The following CAND2 variants were observed in gnomAD, a reference collection of about 807,000 sequenced individuals.
CAND2 encodes cullin-associated NEDD8-dissociated protein 2.
CAND2 carries 62 observed loss-of-function variants against 98.9 expected under a neutral mutation model. The ratio of observed to expected loss-of-function variants is 0.63; its 90% CI spans 0.51 to 0.77. CAND2 has a LOEUF of 0.77. Among genes scored for constraint, CAND2 ranks in the 30% least tolerant of loss-of-function variants. The pLI is 0.00. For synonymous variants in CAND2, 770 were observed against 731.9 expected, an observed-to-expected ratio of 1.05 and a Z score of -0.84; for missense variants, 1,501 against 1,655.2, an observed-to-expected ratio of 0.91 and a Z score of 1.62.
intron 1 of CAND2, among the ~76,000 whole-genome samples, chr3:12,803,091 G>A (rs544688286): frequency 2.0e-5 from 3 of 148,502 alleles, no homozygotes; most frequent in Admixed American, 6.9e-5. Flanking sequence ...CCGGGTTCAC[G>A]CCATTCTCCT....
chr3:12,811,847 G>A (rs1004696882), intron 5 of CAND2, among the ~76,000 whole-genome samples: 1 of 152,034 alleles, frequency 6.6e-6, no homozygotes, highest in Non-Finnish European at 1.5e-5. Context: ...CTCCCAAAGT[G>A]CTGGGATTAC....
At chr3:12,820,271 G>T in intron 11 of CAND2, 90 bp downstream of exon 11, 1 of 950,378 alleles carries the variant, frequency 1.1e-6, no homozygotes, top group South Asian at 1.6e-5. Context: ...AATAGCCAAG[G>T]GCAATGGGAG....
chr3:12,833,346 G>A (rs958221035), intron 14 of CAND2, among the ~76,000 whole-genome samples: 7 of 152,146 alleles, frequency 4.6e-5, no homozygotes, highest in Admixed American at 2.6e-4. Context: ...GAAGACCATC[G>A]CAGTGATCCA....
At chr3:12,813,569 C>T (rs1394047411) in intron 7 of CAND2, among the ~76,000 whole-genome samples, 181 bp downstream of exon 7, 1 of 152,204 alleles carries the variant, frequency 6.6e-6, no homozygotes, top group African/African-American at 2.4e-5. Context: ...TCATTGCTGT[C>T]ATTTATTGAG....
rs2062078079 is a variant in CAND2 at position 12,834,047 on chromosome 3, C to T, written c.*65C>T. On this transcript the variant is annotated 3_prime_UTR_variant, in exon 15 of 15. Transcript: ENST00000456430. ...GAGCCCACCCAAGTCCGAGGCCTCC[C>T]CATCCCACCATCGCAGGTCTCTACT... The T allele has an allele frequency of 3.1e-6, 4 of 1,286,672 alleles. No homozygotes were observed. The highest frequency in any genetic ancestry group is 4.5e-6 in the Non-Finnish European group (4 of 891,376). 79.7% of individuals were successfully genotyped at this position (1,286,672 alleles called of 1,614,324 possible).
rs745709440 is a variant in CAND2 at position 12,825,619 on chromosome 3, C to T, written c.3190C>T (p.Arg1064Trp). The change falls in exon 12 of 15, where the codon CGG becomes TGG. Residue 1064 changes from arginine to tryptophan, a missense_variant. By Grantham distance (101) the Arg-to-Trp change is moderately radical. Around this residue, in one of 3 missense-constraint regions of CAND2, gnomAD observed 1,427 missense variants for 1,545.3 expected, o/e 0.92. Transcript: ENST00000456430. ...LPLLYQETKI[R>W]RDLIREVEMG... The stretch of plus-strand genomic sequence containing the variant: ...CCTCCTCTACCAGGAGACAAAGATC[C>T]GGCGGGACCTCATCCGAGAGGTGTG... The T allele has an allele frequency of 2.8e-5, 45 of 1,603,980 alleles. No individual in the cohort carries two copies. Among genetic ancestry groups the T allele is most frequent in the Middle Eastern group, 3.3e-4 (2 of 6,070 alleles).
intron 5 of CAND2, among the ~76,000 whole-genome samples, chr3:12,812,165 T>C (rs1364977462): frequency 6.8e-6 from 1 of 147,504 alleles, no homozygotes; most frequent in African/African-American, 2.5e-5. Flanking sequence ...TGCCTTGGCC[T>C]CCCAAAGTGC....
chr3:12,809,998 G>A (rs2061837358), intron 4 of CAND2, 61 bp from the exon 5 acceptor site: 2 of 1,386,804 alleles, frequency 1.4e-6, no homozygotes, highest in Non-Finnish European at 1.9e-6. Context: ...GGAGAGGGGC[G>A]GAGCCTGGCC....
chr3:12,822,048 A>T (rs888277807), intron 11 of CAND2, among the ~76,000 whole-genome samples: 1 of 152,134 alleles, frequency 6.6e-6, no homozygotes, highest in South Asian at 2.1e-4. Context: ...GCCTGGGTCA[A>T]TGATTACTGT....
intron 2 of CAND2, among the ~76,000 whole-genome samples, chr3:12,806,738 G>A (rs1323126422): frequency 2.0e-5 from 3 of 152,144 alleles, no homozygotes; most frequent in Non-Finnish European, 2.9e-5. Context: ...ACCTTGTGGC[G>A]CTACAGATCC....
chr3:12,796,896 T>C lies in CAND2; in HGVS notation c.68+108T>C, dbSNP rs1287342693. On this transcript the variant is annotated intron_variant, in intron 1 of 14. Coordinates refer to ENST00000456430, the MANE Select transcript of CAND2 (RefSeq NM_001162499.2). Reference sequence around the variant, plus strand: ...CCCCATGACCATGCAGCCCCCTGCCTCTTCTCTCTTCTCCCTGCATTAAGC... The same window carrying C: ...CCCCATGACCATGCAGCCCCCTGCCCCTTCTCTCTTCTCCCTGCATTAAGC... The C allele has an allele frequency of 6.1e-6, 5 of 816,772 alleles. No individual in the cohort carries two copies. In the Admixed American group the frequency reaches 1.1e-4, roughly 18 times the overall value. 50.6% of individuals were successfully genotyped at this position (816,772 alleles called of 1,614,324 possible).
chr3:12,823,596 G>A (rs1189928392), intron 11 of CAND2, among the ~76,000 whole-genome samples: 1 of 152,222 alleles, frequency 6.6e-6, no homozygotes, highest in Admixed American at 6.5e-5. Context: ...GGGCATGCTG[G>A]CGGGCGCCTG....
intron 13 of CAND2, among the ~76,000 whole-genome samples, chr3:12,829,798 GT>G (rs1553639614): frequency 6.6e-6 from 1 of 152,164 alleles, no homozygotes; most frequent in African/African-American, 2.4e-5. Flanking sequence ...CACACATGCT[GT>G]TTTTTTCCCC....
At chr3:12,820,713 G>C (rs1044228984) in intron 11 of CAND2, among the ~76,000 whole-genome samples, 1 of 152,182 alleles carries the variant, frequency 6.6e-6, no homozygotes, top group Non-Finnish European at 1.5e-5. Context: ...CTCCCTCTGG[G>C]GCTCGGCAGG....
chr3:12,806,412 C>G (rs953833041), intron 2 of CAND2, among the ~76,000 whole-genome samples: 36 of 152,264 alleles, frequency 2.4e-4, no homozygotes, highest in African/African-American at 8.7e-4. Context: ...GGGGATGGAG[C>G]AGGAAGGGAG....
chr3:12,824,683 G>C (rs2061986177), intron 11 of CAND2, among the ~76,000 whole-genome samples: 1 of 152,162 alleles, frequency 6.6e-6, no homozygotes, highest in Admixed American at 6.5e-5. Context: ...CCGAGGTGGT[G>C]GATTACTTGA....
In CAND2 at chr3:12,817,852, C is replaced by T. The variant is rs199575907; in HGVS notation, c.2920C>T (p.Arg974Cys). The T allele has an allele frequency of 8.8e-5, 132 of 1,504,246 alleles. No homozygotes were observed. Among genetic ancestry groups the T allele is most frequent in the Non-Finnish European group, 1.0e-4 (117 of 1,125,818 alleles). 93.2% of individuals were successfully genotyped at this position (1,504,246 alleles called of 1,614,324 possible). ...TGTGAACCCTTCGTTCCTTCTGCCC[C>T]GCTTGCGGAAGCAGCTTGCTGCAGG... Reference protein sequence around the residue: ...VLVNPSFLLPRLRKQLAAGRP... With the variant: ...VLVNPSFLLPCLRKQLAAGRP... The change falls in exon 10 of 15, where the codon CGC becomes TGC. Residue 974 changes from arginine (R) to cysteine (C), a missense_variant. Coordinates refer to ENST00000456430, the MANE Select transcript of CAND2 (RefSeq NM_001162499.2).
At chr3:12,809,978 G>T in intron 4 of CAND2, 81 bp from the exon 5 acceptor site, 1 of 1,377,876 alleles carries the variant, frequency 7.3e-7, no homozygotes, top group Non-Finnish European at 9.4e-7. Context: ...AGGAGGCCGG[G>T]AGAGAATGGG....
chr3:12,827,021 T>G (rs1295459866), intron 12 of CAND2, among the ~76,000 whole-genome samples: 1 of 151,888 alleles, frequency 6.6e-6, no homozygotes, highest in African/African-American at 2.4e-5. Context: ...TTAGTAGAGG[T>G]GAAGTTTCGC....
Sources: gnomAD v4.1 joint callset for allele counts (sites outside exome capture counted in the v4.1 genomes callset) on GRCh38, gnomAD v4.1.1 for gene constraint, gnomAD v4.1.1 regional missense constraint, MANE v1.5 for transcripts, NCBI Gene and HGNC (gene_info 2026-07-23, HGNC 2026-07-21) for gene names.